Variants in MOBP observed in about 807,000 individuals in gnomAD.
The protein encoded by MOBP is myelin associated oligodendrocyte basic protein, also known as myelin-associated oligodendrocyte basic protein.
A neutral mutation model predicts 15.0 loss-of-function variants in MOBP; 5 were observed. The ratio of observed to expected loss-of-function variants is 0.33; its 90% CI spans 0.17 to 0.70. MOBP has a LOEUF of 0.70. Ranked by LOEUF, MOBP falls within the 30% of genes least tolerant of loss-of-function variation. MOBP has a pLI of 0.67. For synonymous variants in MOBP, 88 were observed against 99.0 expected (o/e 0.89, Z 0.66); for missense variants, 188 against 257.8 (o/e 0.73, Z 1.85).
intron 2 of MOBP, among the ~76,000 whole-genome samples, chr3:39,489,424 T>C (rs1449172732): frequency 6.6e-6 from 1 of 152,182 alleles, no homozygotes; most frequent in Admixed American, 6.5e-5. Context: ...AGGTACTCAA[T>C]AAATCTTCAA....
In MOBP at chr3:39,502,595, G is replaced by T; in HGVS notation, c.267G>T (p.Ala89=). The T allele has an allele frequency of 6.4e-7, 1 of 1,569,218 alleles. No individual in the cohort carries two copies. Among genetic ancestry groups the T allele is most frequent in the Non-Finnish European group, 8.6e-7 (1 of 1,166,940 alleles). Reference sequence around the variant, plus strand: ...AGCAACAGCCAGCTGCGCCCCCCGCGGTGGTCAGAGCGCCAGCCAAGCCAC... The same window carrying T: ...AGCAACAGCCAGCTGCGCCCCCCGCTGTGGTCAGAGCGCCAGCCAAGCCAC... The part of the protein sequence containing the change: ...RPKQQPAAPP[A]VVRAPAKPRS... Residue 89 remains alanine (A), a synonymous_variant, in exon 4 of 4, where the codon GCG becomes GCT. Transcript: ENST00000684792. The surrounding 1 kb of genome is among the most constrained non-coding windows in gnomAD (Gnocchi z 6.3).
At chr3:39,513,267 A>G (rs2043144457) in intron 4 of MOBP, 3 of 794,550 alleles carry the variant, frequency 3.8e-6, no homozygotes, top group South Asian at 4.6e-5. Flanking sequence ...ATTTTGCAGA[A>G]TAACCTCAAA....
downstream of MOBP, among the ~76,000 whole-genome samples, chr3:39,503,647 C>T (rs1439513962): frequency 6.1e-5 from 2 of 32,810 alleles, no homozygotes; most frequent in Admixed American, 4.0e-4. Flanking sequence ...TACACACATG[C>T]CTGGCCAATT....
At chr3:39,480,637 A>G (rs2042615269) in intron 2 of MOBP, among the ~76,000 whole-genome samples, 1 of 152,154 alleles carries the variant, frequency 6.6e-6, no homozygotes, top group Non-Finnish European at 1.5e-5. Flanking sequence ...CCCTCTAGTT[A>G]AACCTCTGCA....
intron 2 of MOBP, among the ~76,000 whole-genome samples, chr3:39,498,961 A>T (rs2042929270): frequency 6.6e-6 from 1 of 152,218 alleles, no homozygotes; most frequent in Non-Finnish European, 1.5e-5. Flanking sequence ...ATTCAGAGTC[A>T]CAGTGGGCTT....
intron 4 of MOBP, among the ~76,000 whole-genome samples, chr3:39,511,561 A>G (rs891226205): frequency 6.6e-5 from 10 of 152,354 alleles, no homozygotes; most frequent in African/African-American, 2.2e-4. Context: ...GGGTCCTGGC[A>G]TAGCCCTCTG....
At chr3:39,484,265 A>T (rs144666253) in intron 2 of MOBP, among the ~76,000 whole-genome samples, 13 of 152,276 alleles carry the variant, frequency 8.5e-5, no homozygotes, top group African/African-American at 2.9e-4. Context: ...TGATGACAGG[A>T]TAATGCTTCT....
downstream of MOBP, chr3:39,527,448 T>A (rs1575328429): frequency 6.6e-6 from 1 of 151,280 alleles, no homozygotes; most frequent in East Asian, 1.9e-4. Context: ...TCCTTTTTTT[T>A]TTTTTTTTGA....
At chr3:39,498,868 G>A (rs116261196) in intron 2 of MOBP, among the ~76,000 whole-genome samples, 2,045 of 152,154 alleles carry the variant, frequency 0.013, 35 homozygotes, top group East Asian at 0.058. Flanking sequence ...TGACTGGGCG[G>A]GGGTGCAGAT....
chr3:39,468,792 GTGTATA>G lies in MOBP; in HGVS notation c.-89+1054_-89+1059del, dbSNP rs1197379398. On this transcript the variant is annotated intron_variant, in intron 1 of 3. Transcript: ENST00000684792. Reference sequence around the variant, plus strand: ...TGTATATATACATATATACATGTGTGTGTATATATACATATGTGTGTGTATACATAT... The same window carrying G: ...TGTATATATACATATATACATGTGTGTATACATATGTGTGTGTATACATAT... 3.6e-3 allele frequency among the ~76,000 whole-genome samples: 165 copies of G among 46,010 alleles called. 53 individuals are homozygous for G. The African/African-American group carries it at 0.038, about 10-fold the overall frequency. The allele number at this position is 46,010 out of a possible 152,430, so 30.2% of individuals were successfully genotyped here.
chr3:39,471,286 C>A (rs975003403), intron 1 of MOBP, among the ~76,000 whole-genome samples: 9 of 151,992 alleles, frequency 5.9e-5, no homozygotes, highest in Admixed American at 3.3e-4. Flanking sequence ...CGTGCCACCA[C>A]GCCCAGCTAA....
chr3:39,507,883 C>T (rs1019396096), downstream of MOBP, among the ~76,000 whole-genome samples: 5 of 152,212 alleles, frequency 3.3e-5, no homozygotes, highest in African/African-American at 1.2e-4. Context: ...CTATCAGACT[C>T]CACTTTCCTC....
rs576055648 is a variant in MOBP at position 39,502,954 on chromosome 3, C to G, written c.*74C>G. 390 of 689,056 alleles carry G rather than the reference C, an allele frequency of 5.7e-4. 5 individuals are homozygous for G. In the South Asian group the frequency reaches 7.2e-3, roughly 13 times the overall value. The allele number at this position is 689,056 out of a possible 1,614,324, so 42.7% of individuals were successfully genotyped here. ...CCTGTGTTTACTAACACCGGGCTGT[C>G]TCCATGGCCCTCTTCAGCCTTATTA... On this transcript the variant is annotated 3_prime_UTR_variant, in exon 4 of 4. Transcript: ENST00000684792. This position sits in a 1 kb window ranked among gnomAD's most constrained non-coding sequence, Gnocchi z 6.3.
At chr3:39,487,455 C>T (rs1220127239) in intron 2 of MOBP, among the ~76,000 whole-genome samples, 1 of 150,280 alleles carries the variant, frequency 6.7e-6, no homozygotes, top group African/African-American at 2.4e-5. Flanking sequence ...ATTACTATTG[C>T]TTAGTAATGT....
At chr3:39,510,598 T>G (rs2043107295) in intron 4 of MOBP, among the ~76,000 whole-genome samples, 1 of 152,214 alleles carries the variant, frequency 6.6e-6, no homozygotes. Context: ...AATTTTGATT[T>G]CTAATTGTTC....
chr3:39,470,972 C>T (rs962106298), intron 1 of MOBP, among the ~76,000 whole-genome samples: 2 of 152,116 alleles, frequency 1.3e-5, no homozygotes, highest in African/African-American at 4.8e-5. Context: ...ATACTGAGAG[C>T]AAAGGGACAA....
At chr3:39,514,652 TTC>T (rs1213858426) in exon 5 of MOBP, 1 of 152,208 alleles carries the variant, frequency 6.6e-6, no homozygotes, top group Non-Finnish European at 1.5e-5. Flanking sequence ...AGTCCAAGAT[TTC>T]TCTCTCTGTG....
At chr3:39,476,966 T>TA (rs747697476) in intron 1 of MOBP, among the ~76,000 whole-genome samples, 1 of 151,994 alleles carries the variant, frequency 6.6e-6, no homozygotes, top group Non-Finnish European at 1.5e-5. Flanking sequence ...TTGTGGATAA[T>TA]AGATTGTAGA....
At chr3:39,484,301 G>T (rs1265211173) in intron 2 of MOBP, among the ~76,000 whole-genome samples, 8 of 152,202 alleles carry the variant, frequency 5.3e-5, no homozygotes, top group African/African-American at 1.9e-4. Context: ...GAAATGGTGT[G>T]GGAGGTGAAG....
Sources: allele counts gnomAD v4.1 joint callset (sites outside exome capture counted in the v4.1 genomes callset), GRCh38; gene constraint gnomAD v4.1.1; non-coding constraint Gnocchi (gnomAD v3.1); transcripts MANE v1.5; gene names NCBI Gene and HGNC (gene_info 2026-07-23, HGNC 2026-07-21).